CNTN4: variants seen among roughly 807,000 people sequenced by gnomAD.
CNTN4 encodes the protein contactin-4.
CNTN4 carries 77 observed loss-of-function variants against 122.5 expected under a neutral mutation model. The ratio of observed to expected loss-of-function variants is 0.63; its 90% CI spans 0.52 to 0.76. CNTN4 has a LOEUF of 0.76. Ranked by LOEUF, CNTN4 falls within the 30% of genes least tolerant of loss-of-function variation. The pLI is 0.00. For missense variants in CNTN4, 1,256 were observed against 1,259.1 expected, an observed-to-expected ratio of 1.00 and a Z score of 0.04; for synonymous variants, 512 against 447.0, an observed-to-expected ratio of 1.15 and a Z score of -1.83.
intron 9 of CNTN4, 90 bp downstream of exon 9, chr3:2,883,337 A>C: frequency 1.1e-6 from 1 of 948,704 alleles, no homozygotes; most frequent in Non-Finnish European, 1.7e-6. Context: ...ATGGTTTCTG[A>C]GGTGACGGAA....
chr3:2,263,749 T>C (rs1203327539), intron 2 of CNTN4, among the ~76,000 whole-genome samples: 5 of 152,098 alleles, frequency 3.3e-5, no homozygotes, highest in African/African-American at 1.2e-4. Context: ...ACTATATTTT[T>C]GTGCCCTTTA....
At chr3:2,539,220 C>G (rs1199588960) in intron 3 of CNTN4, among the ~76,000 whole-genome samples, 1 of 152,002 alleles carries the variant, frequency 6.6e-6, no homozygotes, top group Non-Finnish European at 1.5e-5. Context: ...CATAAACCAG[C>G]AGTATACAAA....
chr3:2,905,391 G>A (rs954517015), intron 12 of CNTN4, among the ~76,000 whole-genome samples: 1 of 152,192 alleles, frequency 6.6e-6, no homozygotes, highest in Non-Finnish European at 1.5e-5. Context: ...TCCCCCTTCT[G>A]GGTTGCAGAC....
chr3:2,736,146 G>T, intron 4 of CNTN4, 69 bp from the exon 5 acceptor site: 1 of 1,439,254 alleles, frequency 6.9e-7, no homozygotes, highest in Non-Finnish European at 9.8e-7. Context: ...TCCTTATGTT[G>T]TTGTTTCCTG....
At chr3:2,817,665 A>G (rs61439181) in intron 6 of CNTN4, among the ~76,000 whole-genome samples, 13,229 of 152,114 alleles carry the variant, frequency 0.087, 1,907 homozygotes, top group African/African-American at 0.3. Context: ...GATTGGTTTT[A>G]CCTAGATGAT....
intron 2 of CNTN4, among the ~76,000 whole-genome samples, chr3:2,199,829 G>T (rs1006234842): frequency 6.6e-6 from 1 of 152,150 alleles, no homozygotes; most frequent in Non-Finnish European, 1.5e-5. Context: ...GTGTAGCTGA[G>T]ATCTGAAGAA....
At chr3:2,295,770 C>A (rs975414912) in intron 2 of CNTN4, among the ~76,000 whole-genome samples, 2 of 151,924 alleles carry the variant, frequency 1.3e-5, no homozygotes, top group Non-Finnish European at 2.9e-5. Flanking sequence ...TGTCCTGAAT[C>A]GTATTGCCTA....
intron 3 of CNTN4, among the ~76,000 whole-genome samples, chr3:2,515,212 C>T (rs934789188): frequency 6.6e-6 from 1 of 152,056 alleles, no homozygotes; most frequent in African/African-American, 2.4e-5. Flanking sequence ...AGCAGGGACC[C>T]AGAAAGTTAT....
chr3:2,410,771 T>G (rs201890008), intron 3 of CNTN4, among the ~76,000 whole-genome samples: 1 of 152,182 alleles, frequency 6.6e-6, no homozygotes, highest in East Asian at 1.9e-4. Flanking sequence ...ATGAGCTCAT[T>G]CATGTGAATA....
chr3:2,722,745 T>C (rs1237299800), intron 4 of CNTN4, among the ~76,000 whole-genome samples: 2 of 152,198 alleles, frequency 1.3e-5, no homozygotes, highest in South Asian at 2.1e-4. Context: ...CTTTACCTTA[T>C]GACAAAATGA....
chr3:2,864,101 A>G (rs2093697748), intron 7 of CNTN4, among the ~76,000 whole-genome samples: 1 of 152,246 alleles, frequency 6.6e-6, no homozygotes, highest in Non-Finnish European at 1.5e-5. Context: ...TTGAAGTGCA[A>G]CACCAATAAT....
chr3:2,138,153 A>G (rs1194596514), intron 2 of CNTN4, among the ~76,000 whole-genome samples: 1 of 143,476 alleles, frequency 7.0e-6, no homozygotes, highest in Non-Finnish European at 1.5e-5. Context: ...TGCAACCTCC[A>G]CTTCCCGGGT....
intron 3 of CNTN4, among the ~76,000 whole-genome samples, chr3:2,559,437 C>G (rs537091522): frequency 6.6e-6 from 1 of 152,042 alleles, no homozygotes; most frequent in African/African-American, 2.4e-5. Context: ...AAGGGACTCA[C>G]ATAATCCTCC....
intron 3 of CNTN4, among the ~76,000 whole-genome samples, chr3:2,357,719 T>C (rs1203014305): frequency 5.3e-5 from 8 of 152,234 alleles, no homozygotes. Flanking sequence ...GAGCAGTCTG[T>C]GTCATTTCTC....
chr3:2,581,102 G>C (rs1229946303), intron 4 of CNTN4, among the ~76,000 whole-genome samples: 1 of 152,150 alleles, frequency 6.6e-6, no homozygotes, highest in Middle Eastern at 3.2e-3. Flanking sequence ...TATTAGAAAT[G>C]GGGATTTTGG....
chr3:2,332,492 C>A (rs2043772374), intron 2 of CNTN4, among the ~76,000 whole-genome samples: 1 of 152,116 alleles, frequency 6.6e-6, no homozygotes, highest in Admixed American at 6.5e-5. Flanking sequence ...AGAAGAGTAA[C>A]TTCTGTCTAT....
chr3:2,110,129 A>C (rs184742638), intron 2 of CNTN4, among the ~76,000 whole-genome samples: 1 of 152,344 alleles, frequency 6.6e-6, no homozygotes, highest in African/African-American at 2.4e-5. Flanking sequence ...TGATAAACAT[A>C]GTTTGGTGGT....
intron 2 of CNTN4, among the ~76,000 whole-genome samples, chr3:2,319,014 A>G (rs2043199042): frequency 1.3e-5 from 2 of 152,114 alleles, no homozygotes. Flanking sequence ...CAGTTAACTA[A>G]TTCCCTCTTC....
At chr3:2,993,299 A>ATTTTT (rs576176618) in intron 14 of CNTN4, among the ~76,000 whole-genome samples, 13 of 143,892 alleles carry the variant, frequency 9.0e-5, no homozygotes, top group Non-Finnish European at 1.1e-4. Context: ...AGACTGTGTA[A>ATTTTT]TTTTTTTTTT....
Sources: gnomAD v4.1 joint callset for allele counts (sites outside exome capture counted in the v4.1 genomes callset) on GRCh38, gnomAD v4.1.1 for gene constraint, MANE v1.5 for transcripts, NCBI Gene and HGNC (gene_info 2026-07-23, HGNC 2026-07-21) for gene names.